MCF2: variants seen among roughly 807,000 people sequenced by gnomAD.
MCF2 encodes proto-oncogene DBL.
In MCF2, 44 loss-of-function variants were observed where a neutral mutation model predicts 82.5. The ratio of observed to expected loss-of-function variants is 0.53; its 90% CI spans 0.42 to 0.69. The LOEUF (loss-of-function observed/expected upper bound fraction) is 0.69. Among genes scored for constraint, MCF2 ranks in the 30% least tolerant of loss-of-function variants. The pLI is 0.00. For missense variants in MCF2, 623 were observed against 663.1 expected (o/e 0.94, Z 0.66); for synonymous variants, 217 against 224.9 (o/e 0.96, Z 0.32).
At chrX:139,685,158 A>G (rs917400201) in intron 1 of MCF2, among the ~76,000 whole-genome samples, 2 of 111,079 alleles carry the variant, frequency 1.8e-5, no homozygotes, top group Admixed American at 9.6e-5. Flanking sequence ...AGCCAAAACA[A>G]TAAAACAAGA....
intron 1 of MCF2, among the ~76,000 whole-genome samples, chrX:139,677,682 C>T (rs1666659161): frequency 8.9e-6 from 1 of 111,819 alleles, no homozygotes; most frequent in Admixed American, 9.5e-5. Context: ...GGTTATGTTT[C>T]CCGATCCATA....
At chrX:139,700,820 A>G (rs986507423) in intron 1 of MCF2, among the ~76,000 whole-genome samples, 19 of 112,365 alleles carry the variant, frequency 1.7e-4, no homozygotes, top group African/African-American at 6.1e-4. Context: ...TAAAGTCATG[A>G]GTAAATGTTC....
exon 24 of MCF2, chrX:139,585,106 G>A (rs1928833667): frequency 1.7e-6 from 2 of 1,204,086 alleles, no homozygotes; most frequent in Non-Finnish European, 2.2e-6. Context: ...ATCATAAGTA[G>A]GGTAGAAATA....
intron 10 of MCF2, 71 bp downstream of exon 13, chrX:139,614,810 G>T (rs1931769660): frequency 1.9e-5 from 18 of 959,297 alleles, no homozygotes; most frequent in Non-Finnish European, 2.3e-5. Context: ...AATAAACTCA[G>T]TATTTACATC....
chrX:139,690,456 T>C lies in MCF2; in HGVS notation c.-45+17650A>G, dbSNP rs1280174248. On this transcript the variant is annotated intron_variant, in intron 1 of 27. Transcript: ENST00000414978. ...GTTTCAGCAAGATTTTTTTTTGTAGTCTCCAAAAACTATTTAAATTGCTCT... is the reference window on the plus strand; with the variant it reads ...GTTTCAGCAAGATTTTTTTTTGTAGCCTCCAAAAACTATTTAAATTGCTCT... Among the ~76,000 whole-genome samples the C allele has an allele frequency of 5.5e-5, 6 of 108,737 alleles. No homozygotes were observed. In the East Asian group the frequency reaches 1.4e-3, roughly 26 times the overall value. The allele number at this position is 108,737 out of a possible 115,157, so 94.4% of individuals were successfully genotyped here.
At chrX:139,599,592 G>T (rs781626880) in intron 16 of MCF2, among the ~76,000 whole-genome samples, 5 of 110,939 alleles carry the variant, frequency 4.5e-5, no homozygotes, top group Non-Finnish European at 9.5e-5. Flanking sequence ...TCTGAAAGTG[G>T]GAGGTAAAGG....
At chrX:139,619,613 A>G (rs763174271) in exon 7 of MCF2, 2 of 1,154,905 alleles carry the variant, frequency 1.7e-6, no homozygotes, top group Admixed American at 4.6e-5. Flanking sequence ...AAGTTTTCCA[A>G]TTTTTTTATT....
chrX:139,660,354 A>G (rs1486722988), intron 1 of MCF2, among the ~76,000 whole-genome samples: 5 of 112,296 alleles, frequency 4.5e-5, no homozygotes, highest in African/African-American at 1.6e-4. Context: ...AAGAAACTCC[A>G]TTATTTTTAC....
At chrX:139,634,179 C>G (rs981633275) in intron 1 of MCF2, among the ~76,000 whole-genome samples, 4 of 111,461 alleles carry the variant, frequency 3.6e-5, no homozygotes, top group Non-Finnish European at 1.9e-5. Flanking sequence ...CCATCAGCCT[C>G]AAGATGGCAG....
intron 19 of MCF2, among the ~76,000 whole-genome samples, chrX:139,591,858 CA>C (rs960037081): frequency 2.4e-4 from 26 of 108,518 alleles, no homozygotes; most frequent in Admixed American, 2.3e-3. Flanking sequence ...AGCCAGGTAA[CA>C]AACCTGCAGA....
intron 19 of MCF2, among the ~76,000 whole-genome samples, chrX:139,594,221 A>G (rs1317448681): frequency 9.1e-6 from 1 of 109,777 alleles, no homozygotes; most frequent in East Asian, 2.8e-4. Context: ...ATTGGAAAAA[A>G]CTACTTTAAA....
intron 11 of MCF2, among the ~76,000 whole-genome samples, chrX:139,610,052 C>A (rs1048652250): frequency 8.9e-6 from 1 of 112,121 alleles, no homozygotes; most frequent in African/African-American, 3.2e-5. Context: ...GGAACATATA[C>A]AAGATGTTCT....
At chrX:139,657,056 TG>T (rs1312967955) in intron 1 of MCF2, among the ~76,000 whole-genome samples, 16 of 112,082 alleles carry the variant, frequency 1.4e-4, no homozygotes, top group African/African-American at 5.2e-4. Flanking sequence ...AATAAAGGGC[TG>T]TAACTCAACA....
chrX:139,595,913 T>C (rs1391894795), intron 19 of MCF2, among the ~76,000 whole-genome samples: 1 of 110,791 alleles, frequency 9.0e-6, no homozygotes, highest in Non-Finnish European at 1.9e-5. Context: ...AACAATACTG[T>C]TCTCTTTTTA....
intron 1 of MCF2, among the ~76,000 whole-genome samples, chrX:139,704,451 T>C (rs1935555786): frequency 8.9e-6 from 1 of 111,950 alleles, no homozygotes; most frequent in African/African-American, 3.2e-5. Context: ...AAAATTAATG[T>C]ACAAAAATCA....
At chrX:139,619,382 T>C (rs1208807899) in intron 7 of MCF2, among the ~76,000 whole-genome samples, 1 of 110,568 alleles carries the variant, frequency 9.0e-6, no homozygotes, top group Non-Finnish European at 1.9e-5. Context: ...GGGTGCAGTG[T>C]ATACTGTTCG....
chrX:139,585,761 T>C (rs1470114728), intron 23 of MCF2, among the ~76,000 whole-genome samples: 1 of 112,282 alleles, frequency 8.9e-6, no homozygotes, highest in Non-Finnish European at 1.9e-5. Context: ...TTCATGAGGA[T>C]GGCAGCTGAG....
At chrX:139,597,307 A>C (rs1329508870) in intron 18 of MCF2, among the ~76,000 whole-genome samples, 153 bp downstream of exon 22, 1 of 111,351 alleles carries the variant, frequency 9.0e-6, no homozygotes, top group Non-Finnish European at 1.9e-5. Flanking sequence ...TCTGAAGCCA[A>C]TTCTCCACTT....
intron 1 of MCF2, among the ~76,000 whole-genome samples, chrX:139,652,487 C>A (rs2148528841): frequency 9.0e-6 from 1 of 111,453 alleles, no homozygotes; most frequent in African/African-American, 3.3e-5. Flanking sequence ...CATATTAACT[C>A]ATTTTTTATC....
Sources: gnomAD v4.1 joint callset for allele counts (sites outside exome capture counted in the v4.1 genomes callset) on GRCh38, gnomAD v4.1.1 for gene constraint, MANE v1.5 for transcripts, NCBI Gene and HGNC (gene_info 2026-07-23, HGNC 2026-07-21) for gene names.